The following CD36 variants were observed in gnomAD, a reference collection of about 807,000 sequenced individuals.
The protein encoded by CD36 is platelet glycoprotein 4.
Under a neutral mutation model 55.2 loss-of-function variants are expected in CD36, and 119 were observed. The ratio of observed to expected loss-of-function variants is 2.15; its 90% confidence interval spans 1.86 to 2.51. The LOEUF is 2.51. Ranked by LOEUF, CD36 falls within the 30% of genes most tolerant of loss-of-function variation. The pLI, the probability that CD36 is intolerant of heterozygous loss-of-function variation, is 0.00. For synonymous variants in CD36, 186 were observed against 193.6 expected, an observed-to-expected ratio of 0.96 and a Z score of 0.33; for missense variants, 819 against 555.5, an observed-to-expected ratio of 1.47 and a Z score of -4.77.
At chr7:80,622,725 C>G (rs1252782758) in intron 1 of CD36, among the ~76,000 whole-genome samples, 1 of 152,164 alleles carries the variant, frequency 6.6e-6, no homozygotes, top group Non-Finnish European at 1.5e-5. Context: ...CTATTTATAT[C>G]CGAACAAATG....
At chr7:80,674,204 T>C (rs2116921326) in intron 14 of CD36, 57 bp downstream of exon 14, 2 of 1,268,504 alleles carry the variant, frequency 1.6e-6, no homozygotes, top group Non-Finnish European at 2.3e-6. Context: ...ATTACTTGTT[T>C]TCACTTTATC....
intron 1 of CD36, 39 bp from the exon 2 acceptor site, chr7:80,646,049 A>AT (rs66573838): frequency 0.95 from 144,281 of 152,252 alleles, 68,561 homozygotes; most frequent in East Asian, 1. Context: ...ATTTCTGAGA[A>AT]TTTTTTTCTA....
chr7:80,620,698 T>G (rs1380957627), intron 1 of CD36, among the ~76,000 whole-genome samples: 3 of 151,976 alleles, frequency 2.0e-5, no homozygotes, highest in African/African-American at 7.3e-5. Flanking sequence ...GGGGAAAGAT[T>G]AGGGTCCTGC....
chr7:80,617,994 C>T (rs1034861943), intron 1 of CD36, among the ~76,000 whole-genome samples: 2 of 152,074 alleles, frequency 1.3e-5, no homozygotes, highest in South Asian at 2.1e-4. Flanking sequence ...TATTTTCTGT[C>T]ATGCACAGTA....
At position 80,646,864 on chromosome 7, in the gene CD36, C is replaced by A; in HGVS notation, c.120+4C>A. On this transcript the variant is annotated splice_donor_region_variant and intron_variant, in intron 3 of 14. Coordinates refer to ENST00000447544, the MANE Select transcript of CD36 (RefSeq NM_001001548.3). ...TATCCAGAAGACAATTAAAAAGGTA[C>A]AAGTAGTCCAAAGAATATGCCTTCT... 2 of 1,613,682 alleles carry A rather than the reference C, an allele frequency of 1.2e-6. No homozygotes were observed. The highest frequency in any genetic ancestry group is 1.7e-6 in the Non-Finnish European group (2 of 1,179,728).
chr7:80,639,434 C>T (rs1794665206), intron 1 of CD36, among the ~76,000 whole-genome samples: 1 of 151,432 alleles, frequency 6.6e-6, no homozygotes, highest in African/African-American at 2.4e-5. Flanking sequence ...TTTTTCGATT[C>T]AGGAAGCTTA....
intron 1 of CD36, among the ~76,000 whole-genome samples, chr7:80,612,053 A>G (rs894600212): frequency 8.5e-5 from 13 of 152,224 alleles, no homozygotes; most frequent in Admixed American, 8.5e-4. Context: ...CAGAAACAGC[A>G]AGACCTAGCT....
intron 14 of CD36, among the ~76,000 whole-genome samples, chr7:80,675,316 C>G (rs540664337): frequency 4.6e-5 from 7 of 151,474 alleles, no homozygotes; most frequent in Non-Finnish European, 1.0e-4. Context: ...AATAGATCAT[C>G]CGCTGAAAAG....
At chr7:80,672,626 C>A in intron 11 of CD36, 144 bp from the exon 12 acceptor site, 2 of 638,560 alleles carry the variant, frequency 3.1e-6, no homozygotes, top group South Asian at 3.8e-5. Flanking sequence ...ATAACTATAA[C>A]TATATATGCA....
At chr7:80,619,991 T>C (rs1393901745) in intron 1 of CD36, among the ~76,000 whole-genome samples, 1 of 152,232 alleles carries the variant, frequency 6.6e-6, no homozygotes, top group Non-Finnish European at 1.5e-5. Flanking sequence ...GAGAAGTAGC[T>C]TTTCTAATTG....
intron 3 of CD36, 53 bp downstream of exon 3, chr7:80,646,913 CTT>C: frequency 6.3e-7 from 1 of 1,598,458 alleles, no homozygotes; most frequent in Non-Finnish European, 8.6e-7. Context: ...TCTAACTTCT[CTT>C]TTTTTGCTTT....
intron 1 of CD36, among the ~76,000 whole-genome samples, chr7:80,613,063 A>G (rs1054564914): frequency 1.3e-5 from 2 of 152,124 alleles, no homozygotes; most frequent in African/African-American, 4.8e-5. Context: ...TCTGTAGAGG[A>G]AGTAGTAGTA....
In CD36 at chr7:80,661,133, A is replaced by G. The variant is rs1265184675; in HGVS notation, c.352A>G (p.Asn118Asp). The G allele has an allele frequency of 6.2e-7, 1 of 1,613,966 alleles. No individual in the cohort carries two copies. Among genetic ancestry groups the G allele is most frequent in the Middle Eastern group, 1.7e-4 (1 of 6,058 alleles). Residue 118 changes from asparagine to aspartate, a missense_variant, in exon 5 of 15, where the codon AAT becomes GAT. By Grantham distance (23) the Asn-to-Asp change is conservative. Coordinates refer to ENST00000447544, the MANE Select transcript of CD36 (RefSeq NM_001001548.3). ...EDNTVSFLQPNGAIFEPSLSV... is the reference protein window; with the variant it reads ...EDNTVSFLQPDGAIFEPSLSV... ...CAACACAGTCTCTTTCCTGCAGCCC[A>G]ATGGTGCCATCTTCGAACCTTCACT...
rs778280648 is a variant in CD36, at chr7:80,663,087, G to A, written c.527G>A (p.Arg176Lys). Residue 176 changes from arginine (R) to lysine (K), a missense_variant, in exon 6 of 15, where the codon AGA becomes AAA. Transcript: ENST00000447544. ...KSSMFQVRTL[R>K]ELLWGYRDPF... is the part of the protein sequence containing the mutation. The stretch of plus-strand genomic sequence containing the variant: ...TCTATGTTCCAAGTCAGAACTTTGA[G>A]AGAACTGTTATGGGGCTATAGGGAT... 3.7e-6 allele frequency: 6 copies of A among 1,613,508 alleles called. No individual in the cohort carries two copies. In the South Asian group the frequency reaches 5.5e-5, roughly 15 times the overall value.
chr7:80,659,961 A>G (rs1796395978), intron 4 of CD36, among the ~76,000 whole-genome samples: 2 of 152,258 alleles, frequency 1.3e-5, no homozygotes, highest in East Asian at 3.9e-4. Flanking sequence ...ACATTTACTG[A>G]GAACTCATTA....
Position 80,608,840 on chromosome 7 carries a change from C to T in CD36, c.-184+6461C>T, listed in dbSNP as rs558967855. Among the ~76,000 whole-genome samples the T allele has an allele frequency of 8.1e-4, 124 of 152,244 alleles. 1 individual carries two copies. The highest frequency in any genetic ancestry group is 2.6e-3 in the African/African-American group (107 of 41,540). On this transcript the variant is annotated intron_variant, in intron 1 of 13. Transcript: ENST00000309881. ...CTACCTAACTAATTAGTCACCAAGC[C>T]GTAGCTATTCATGCTAACTTCTAAA... is the stretch of plus-strand genomic sequence containing the variant.
intron 1 of CD36, among the ~76,000 whole-genome samples, chr7:80,641,387 T>C (rs1266694299): frequency 6.6e-6 from 1 of 152,092 alleles, no homozygotes; most frequent in Non-Finnish European, 1.5e-5. Context: ...AAAAACTAAC[T>C]TCTATACTCA....
chr7:80,662,960 T>C, intron 5 of CD36, 30 bp from the exon 6 acceptor site: 5 of 1,546,076 alleles, frequency 3.2e-6, no homozygotes, highest in Non-Finnish European at 4.5e-6. Flanking sequence ...TATTGTATTC[T>C]TGTCTTAAAC....
At chr7:80,670,886 G>A (rs1234880512) in intron 9 of CD36, 91 bp from the exon 10 acceptor site, 2 of 919,676 alleles carry the variant, frequency 2.2e-6, no homozygotes, top group African/African-American at 3.3e-5. Context: ...AGTATATGAT[G>A]TTTCTAAGTT....
Sources: allele counts gnomAD v4.1 joint callset (sites outside exome capture counted in the v4.1 genomes callset), GRCh38; gene constraint gnomAD v4.1.1; transcripts MANE v1.5; gene names NCBI Gene and HGNC (gene_info 2026-07-23, HGNC 2026-07-21).